ST6GALNAC5: variants seen among roughly 807,000 people sequenced by gnomAD.
ST6GALNAC5 encodes alpha-N-acetylgalactosaminide alpha-2,6-sialyltransferase 5.
In ST6GALNAC5, 27 loss-of-function variants were observed where a neutral mutation model predicts 33.6. The ratio of observed to expected loss-of-function variants is 0.80; its 90% CI spans 0.59 to 1.11. The LOEUF (loss-of-function observed/expected upper bound fraction) is 1.11. ST6GALNAC5 is among the 50% of genes least tolerant of loss of function. The pLI is 0.00. For missense variants in ST6GALNAC5, 428 were observed against 454.0 expected (o/e 0.94, Z 0.52); for synonymous variants, 194 against 171.2 (o/e 1.13, Z -1.04).
At chr1:76,884,509 T>C (rs916430577) in intron 2 of ST6GALNAC5, among the ~76,000 whole-genome samples, 2 of 152,082 alleles carry the variant, frequency 1.3e-5, no homozygotes, top group Admixed American at 6.6e-5. Context: ...GACTTTAGTA[T>C]GTAAAAGTGC....
chr1:76,983,937 G>C (rs577841985), intron 2 of ST6GALNAC5, among the ~76,000 whole-genome samples: 1 of 152,336 alleles, frequency 6.6e-6, no homozygotes, highest in East Asian at 1.9e-4. Context: ...AATGAAGGCA[G>C]AAATAAAGAT....
At chr1:76,962,862 A>C (rs1301565299) in intron 2 of ST6GALNAC5, among the ~76,000 whole-genome samples, 1 of 152,106 alleles carries the variant, frequency 6.6e-6, no homozygotes, top group African/African-American at 2.4e-5. Flanking sequence ...TATTCTATTG[A>C]CTCCAAAACT....
chr1:76,926,942 T>G (rs1647092063), intron 2 of ST6GALNAC5, among the ~76,000 whole-genome samples: 1 of 152,150 alleles, frequency 6.6e-6, no homozygotes, highest in Non-Finnish European at 1.5e-5. Context: ...AAACATCTTT[T>G]CAGATATTCA....
intron 2 of ST6GALNAC5, among the ~76,000 whole-genome samples, chr1:76,875,201 T>G (rs750785687): frequency 3.9e-5 from 6 of 152,182 alleles, no homozygotes; most frequent in Non-Finnish European, 7.3e-5. Flanking sequence ...CTACTACTCA[T>G]TGTCTTCCCT....
chr1:76,944,760 A>C (rs1267897498), intron 2 of ST6GALNAC5, among the ~76,000 whole-genome samples: 1 of 152,108 alleles, frequency 6.6e-6, no homozygotes, highest in African/African-American at 2.4e-5. Flanking sequence ...TTCAGCATCC[A>C]GCCAAATGAT....
At chr1:77,014,103 A>T (rs7521062) in intron 2 of ST6GALNAC5, among the ~76,000 whole-genome samples, 2,704 of 152,318 alleles carry the variant, frequency 0.018, 80 homozygotes, top group African/African-American at 0.062. Context: ...AATGTTTACC[A>T]CCTTCTGAGA....
At chr1:77,011,514 A>G (rs1230625992) in intron 2 of ST6GALNAC5, among the ~76,000 whole-genome samples, 2 of 152,236 alleles carry the variant, frequency 1.3e-5, no homozygotes, top group Non-Finnish European at 2.9e-5. Context: ...TTTGGGAATT[A>G]CAGTCCTTGA....
intron 2 of ST6GALNAC5, among the ~76,000 whole-genome samples, chr1:77,012,216 A>C (rs115305932): frequency 0.015 from 2,213 of 152,252 alleles, 59 homozygotes; most frequent in African/African-American, 0.051. Flanking sequence ...TGCAGAAATA[A>C]TGTTTAAGAG....
At chr1:76,954,846 C>G (rs1277997049) in intron 2 of ST6GALNAC5, among the ~76,000 whole-genome samples, 1 of 152,098 alleles carries the variant, frequency 6.6e-6, no homozygotes, top group Non-Finnish European at 1.5e-5. Context: ...CTGACATTTA[C>G]CAGCTTTGAG....
At chr1:76,953,748 T>C (rs1377399313) in intron 2 of ST6GALNAC5, among the ~76,000 whole-genome samples, 1 of 152,126 alleles carries the variant, frequency 6.6e-6, no homozygotes, top group African/African-American at 2.4e-5. Flanking sequence ...CTGAATATTT[T>C]CACTTATTTT....
intron 2 of ST6GALNAC5, among the ~76,000 whole-genome samples, chr1:76,944,700 CTTGA>C (rs1398855014): frequency 2.6e-5 from 4 of 152,062 alleles, no homozygotes; most frequent in Non-Finnish European, 5.9e-5. Context: ...AAGCAGCTTC[CTTGA>C]TTAAGGGGCA....
At chr1:76,972,698 T>C (rs1648812564) in intron 2 of ST6GALNAC5, among the ~76,000 whole-genome samples, 1 of 152,020 alleles carries the variant, frequency 6.6e-6, no homozygotes, top group South Asian at 2.1e-4. Context: ...GGAAGTGGAG[T>C]GCTGAGTCTA....
At chr1:76,981,004 A>G (rs1035064355) in intron 2 of ST6GALNAC5, among the ~76,000 whole-genome samples, 1 of 152,188 alleles carries the variant, frequency 6.6e-6, no homozygotes, top group Non-Finnish European at 1.5e-5. Flanking sequence ...ATAATATGTA[A>G]TGAAAAAGGG....
At position 76,893,723 on chromosome 1, in the gene ST6GALNAC5, C is replaced by T. The variant is rs905612304; in HGVS notation, c.261+24981C>T. Among the ~76,000 whole-genome samples, 42 of 152,120 alleles carry T rather than the reference C, an allele frequency of 2.8e-4. 1 individual carries two copies. The highest frequency in any genetic ancestry group is 8.3e-4 in the South Asian group (4 of 4,822). On this transcript the variant is annotated intron_variant, in intron 2 of 4. Coordinates refer to ENST00000477717, the MANE Select transcript of ST6GALNAC5 (RefSeq NM_030965.3). Reference sequence around the variant, plus strand: ...TCACCCAGGCTAGATTGCAGTGGCGCGATCTCGGCTCACTGCAACCTCTGC... The same window carrying T: ...TCACCCAGGCTAGATTGCAGTGGCGTGATCTCGGCTCACTGCAACCTCTGC...
At position 77,063,671 on chromosome 1, in the gene ST6GALNAC5, A is replaced by G. The variant is rs186494939; in HGVS notation, c.*465A>G. On this transcript the variant is annotated 3_prime_UTR_variant, in exon 5 of 5. Coordinates refer to ENST00000477717, the MANE Select transcript of ST6GALNAC5 (RefSeq NM_030965.3). ...TGTAAAAAGCAGGCTGAAACTATGG[A>G]CATGATTTCTGAAGAGCACATCTCC... 1.2e-3 allele frequency: 189 copies of G among 159,046 alleles called. No individual in the cohort carries two copies. The highest frequency in any genetic ancestry group is 2.6e-3 in the South Asian group (14 of 5,308). 9.9% of individuals were successfully genotyped at this position (159,046 alleles called of 1,614,324 possible).
intron 2 of ST6GALNAC5, among the ~76,000 whole-genome samples, chr1:76,975,989 G>A (rs1648994425): frequency 6.6e-6 from 1 of 152,096 alleles, no homozygotes; most frequent in African/African-American, 2.4e-5. Context: ...CAGCTACTTG[G>A]GAGGCTGAGG....
intron 2 of ST6GALNAC5, among the ~76,000 whole-genome samples, chr1:77,036,957 A>G (rs1299257506): frequency 6.6e-6 from 1 of 152,350 alleles, no homozygotes; most frequent in South Asian, 2.1e-4. Context: ...GTGGTCAAGG[A>G]AAGCCTCCCT....
At chr1:76,903,902 A>G (rs1646840680) in intron 2 of ST6GALNAC5, among the ~76,000 whole-genome samples, 1 of 152,152 alleles carries the variant, frequency 6.6e-6, no homozygotes, top group Non-Finnish European at 1.5e-5. Context: ...GTGATTGCTC[A>G]GGGCTGGGGG....
intron 2 of ST6GALNAC5, among the ~76,000 whole-genome samples, chr1:77,016,716 A>G (rs560879622): frequency 6.6e-6 from 1 of 152,294 alleles, no homozygotes; most frequent in Admixed American, 6.5e-5. Context: ...ACCCTTTTAA[A>G]TGACATCTTT....
Sources: allele counts gnomAD v4.1 joint callset (sites outside exome capture counted in the v4.1 genomes callset), GRCh38; gene constraint gnomAD v4.1.1; transcripts MANE v1.5; gene names NCBI Gene and HGNC (gene_info 2026-07-23, HGNC 2026-07-21).